The following COL4A3 variants were observed in gnomAD, a reference collection of about 807,000 sequenced individuals.
The protein encoded by COL4A3 is collagen alpha-3(IV) chain.
A neutral mutation model predicts 217.4 loss-of-function variants in COL4A3; 135 were observed. The ratio of observed to expected loss-of-function variants is 0.62; its 90% confidence interval spans 0.54 to 0.72. The LOEUF (loss-of-function observed/expected upper bound fraction) is 0.72. Among genes scored for constraint, COL4A3 ranks in the 30% least tolerant of loss-of-function variants. The pLI is 0.00. For missense variants in COL4A3, 1,868 were observed against 2,119.9 expected, an observed-to-expected ratio of 0.88 and a Z score of 2.33; for synonymous variants, 690 against 736.3, an observed-to-expected ratio of 0.94 and a Z score of 1.02.
chr2:227,277,923 A>G (rs2106135204), intron 28 of COL4A3, among the ~76,000 whole-genome samples: 1 of 151,602 alleles, frequency 6.6e-6, no homozygotes, highest in East Asian at 1.9e-4. Flanking sequence ...TCTGTCTCAA[A>G]AAAAAAAATG....
At chr2:227,245,242 G>T (rs2069260277) in intron 5 of COL4A3, among the ~76,000 whole-genome samples, 1 of 151,760 alleles carries the variant, frequency 6.6e-6, no homozygotes, top group African/African-American at 2.4e-5. Context: ...ATGGTAAGTC[G>T]GCCCTCCATA....
intron 1 of COL4A3, chr2:227,169,188 G>A (rs1431658706): frequency 1.3e-5 from 2 of 151,034 alleles, no homozygotes; most frequent in Non-Finnish European, 2.9e-5. Flanking sequence ...ATGATTTCCA[G>A]TTTCATCCAT....
chr2:227,285,720 A>G (rs961793192), intron 34 of COL4A3, among the ~76,000 whole-genome samples: 1 of 152,250 alleles, frequency 6.6e-6, no homozygotes, highest in Non-Finnish European at 1.5e-5. Context: ...CAATTGAAGA[A>G]TTCCTTTTGT....
At position 227,259,866 on chromosome 2, in the gene COL4A3, G is replaced by A. The variant is rs748026747; in HGVS notation, c.1103G>A (p.Arg368His). ...GGCCCACCAGGGCCCAGAGGAGCTC[G>A]TGGCCCACAAGGTAAGAATAAATTT... ...TPGPPGPRGA[R>H]GPQGPSGPPG... is the part of the protein sequence containing the mutation. Residue 368 changes from arginine to histidine, a missense_variant, in exon 19 of 52, where the codon CGT becomes CAT. Physicochemically the swap from Arg to His is conservative, Grantham distance 29. Transcript: ENST00000396578. 50 of 1,612,312 alleles carry A rather than the reference G, an allele frequency of 3.1e-5. No homozygotes were observed. Among genetic ancestry groups the A allele is most frequent in the South Asian group, 1.8e-4 (16 of 91,044 alleles).
rs1186120881 is a variant in COL4A3 at position 227,297,714 on chromosome 2, C to T, written c.3606C>T (p.Leu1202=). 6 of 1,608,778 alleles carry T rather than the reference C, an allele frequency of 3.7e-6. No individual in the cohort carries two copies. The highest frequency in any genetic ancestry group is 3.4e-5 in the South Asian group (3 of 89,288). ...GGGGAGCCCCAGGTTTTCCTGGCCT[C>T]CCGGGCAGAAAAGGGGCCATGGGAG... is the stretch of plus-strand genomic sequence containing the variant. ...GDRGAPGFPG[L]PGRKGAMGDA... Residue 1202 remains leucine (L), a synonymous_variant, in exon 42 of 52, where the codon CTC becomes CTT. Coordinates refer to ENST00000396578, the MANE Select transcript of COL4A3 (RefSeq NM_000091.5).
intron 1 of COL4A3, among the ~76,000 whole-genome samples, chr2:227,205,007 G>A (rs994332209): frequency 1.3e-5 from 2 of 152,188 alleles, no homozygotes; most frequent in African/African-American, 4.8e-5. Context: ...CTTTTACAAT[G>A]GGTAAGTGAA....
intron 26 of COL4A3, among the ~76,000 whole-genome samples, chr2:227,276,124 C>T (rs2071544201): frequency 6.6e-6 from 1 of 152,194 alleles, no homozygotes; most frequent in Non-Finnish European, 1.5e-5. Flanking sequence ...GGACCGTCAT[C>T]TGTGAGTTAT....
In COL4A3 at chr2:227,264,408, C is replaced by T. The variant is rs150823582; in HGVS notation, c.1315+464C>T. 3.3e-5 allele frequency among the ~76,000 whole-genome samples: 5 copies of T among 152,252 alleles called. No homozygotes were observed. The East Asian group carries it at 9.7e-4, about 29-fold the overall frequency. ...TGTGTCTGCATGGTTCCCAGGAAGT[C>T]CCATGCCTTGGCATCAGCAGGGAAG... On this transcript the variant is annotated intron_variant, in intron 21 of 51. Coordinates refer to ENST00000396578, the MANE Select transcript of COL4A3 (RefSeq NM_000091.5).
At chr2:227,211,165 T>C (rs1379340811) in intron 1 of COL4A3, among the ~76,000 whole-genome samples, 1 of 152,148 alleles carries the variant, frequency 6.6e-6, no homozygotes, top group Non-Finnish European at 1.5e-5. Context: ...CACACACTTC[T>C]ATTTTTTGTA....
At chr2:227,197,630 A>G (rs566087979) in intron 1 of COL4A3, among the ~76,000 whole-genome samples, 1 of 152,340 alleles carries the variant, frequency 6.6e-6, no homozygotes, top group Non-Finnish European at 1.5e-5. Context: ...GTCAAAAGAG[A>G]AAGACATAAT....
intron 9 of COL4A3, among the ~76,000 whole-genome samples, chr2:227,249,267 G>A (rs1170545200): frequency 1.4e-5 from 1 of 72,352 alleles, no homozygotes; most frequent in Non-Finnish European, 2.7e-5. Context: ...AAGGAGTCTG[G>A]CTCTGTCGCC....
At position 227,277,886 on chromosome 2, in the gene COL4A3, G is replaced by A. The variant is rs141997372; in HGVS notation, c.2125+333G>A. Among the ~76,000 whole-genome samples, 225 of 151,020 alleles carry A rather than the reference G, an allele frequency of 1.5e-3. 6 individuals carry two copies. In the East Asian group the frequency reaches 0.043, roughly 29 times the overall value. On this transcript the variant is annotated intron_variant, in intron 28 of 51. Transcript: ENST00000396578. ...GTGGTGGCATGTGGCTGTAATCCCA[G>A]CTACTCAGGAGGCTGAGGCACAAGA...
At chr2:227,209,038 T>C (rs2067213004) in intron 1 of COL4A3, among the ~76,000 whole-genome samples, 1 of 152,152 alleles carries the variant, frequency 6.6e-6, no homozygotes, top group Non-Finnish European at 1.5e-5. Context: ...AGGGAAGCAT[T>C]ACAAACAAAC....
intron 8 of COL4A3, among the ~76,000 whole-genome samples, chr2:227,248,062 C>T (rs1053502569): frequency 1.3e-5 from 2 of 152,154 alleles, no homozygotes; most frequent in African/African-American, 2.4e-5. Context: ...GTCTCAGTCT[C>T]CCAAGTAACT....
At position 227,272,998 on chromosome 2, in the gene COL4A3, C is replaced by T. The variant is rs1336598219; in HGVS notation, c.1808C>T (p.Ser603Phe). The T allele has an allele frequency of 2.5e-6, 4 of 1,613,908 alleles. No homozygotes were observed. Among genetic ancestry groups the T allele is most frequent in the Non-Finnish European group, 3.4e-6 (4 of 1,179,950 alleles). The part of the protein sequence containing the change: ...GDQGPPGDPG[S>F]PGSPGPAGPA... ...CAAGGTCCTCCAGGGGATCCTGGCT[C>T]CCCTGGGTCCCCAGGACCTGCAGGA... The change falls in exon 26 of 52, where the codon TCC (serine) becomes TTC (phenylalanine). Residue 603 changes from serine to phenylalanine, a missense_variant. Around this residue, in one of 2 missense-constraint regions of COL4A3, gnomAD observed 1,503 missense variants for 1,786.1 expected, o/e 0.84. Coordinates refer to ENST00000396578, the MANE Select transcript of COL4A3 (RefSeq NM_000091.5).
chr2:227,202,436 G>C (rs116830133), intron 1 of COL4A3, among the ~76,000 whole-genome samples: 21,706 of 151,828 alleles, frequency 0.14, 1,662 homozygotes, highest in Non-Finnish European at 0.16. Context: ...CTGGTATGCG[G>C]GTATTTTTTT....
intron 1 of COL4A3, among the ~76,000 whole-genome samples, chr2:227,204,309 T>A (rs985737552): frequency 6.6e-6 from 1 of 152,212 alleles, no homozygotes; most frequent in Non-Finnish European, 1.5e-5. Context: ...TCTAAGCTGC[T>A]ACTTTTAGCT....
At chr2:227,170,077 T>C (rs1443805521) in intron 1 of COL4A3, among the ~76,000 whole-genome samples, 1 of 152,190 alleles carries the variant, frequency 6.6e-6, no homozygotes, top group Non-Finnish European at 1.5e-5. Flanking sequence ...GGGATGTTAA[T>C]TGGTATTGCA....
chr2:227,266,906 A>G, intron 22 of COL4A3, 87 bp from the exon 23 acceptor site: 1 of 875,494 alleles, frequency 1.1e-6, no homozygotes. Flanking sequence ...TTTAAATGTA[A>G]TAAATGATAG....
Sources: gnomAD v4.1 joint callset for allele counts (sites outside exome capture counted in the v4.1 genomes callset) on GRCh38, gnomAD v4.1.1 for gene constraint, gnomAD v4.1.1 regional missense constraint, MANE v1.5 for transcripts, NCBI Gene and HGNC (gene_info 2026-07-23, HGNC 2026-07-21) for gene names.